CEMIP: variants seen among roughly 807,000 people sequenced by gnomAD.
CEMIP encodes the protein cell migration-inducing and hyaluronan-binding protein.
In CEMIP, 105 loss-of-function variants were observed where a neutral mutation model predicts 156.9. The ratio of observed to expected loss-of-function variants is 0.67; its 90% CI spans 0.57 to 0.79. The LOEUF is 0.79. Among genes scored for constraint, CEMIP ranks in the 30% least tolerant of loss-of-function variants. The pLI is 0.00. For synonymous variants in CEMIP, 676 were observed against 668.4 expected, an observed-to-expected ratio of 1.01 and a Z score of -0.17; for missense variants, 1,457 against 1,769.4, an observed-to-expected ratio of 0.82 and a Z score of 3.17.
At chr15:80,849,237 C>T (rs1161629517) in intron 1 of CEMIP, among the ~76,000 whole-genome samples, 2 of 151,886 alleles carry the variant, frequency 1.3e-5, no homozygotes, top group African/African-American at 4.8e-5. Flanking sequence ...CCTTGGCCTC[C>T]CAAAGTGCTG....
At chr15:80,841,297 C>A (rs1473176395) in intron 1 of CEMIP, among the ~76,000 whole-genome samples, 1 of 152,238 alleles carries the variant, frequency 6.6e-6, no homozygotes, top group African/African-American at 2.4e-5. Context: ...CAGTTAGTGA[C>A]CTCTACTCTC....
At chr15:80,947,250 C>T in intron 29 of CEMIP, 185 bp downstream of exon 29, 4 of 596,424 alleles carry the variant, frequency 6.7e-6, no homozygotes, top group East Asian at 2.8e-5. Flanking sequence ...CACCTGTTTA[C>T]CACCCCTGCA....
chr15:80,923,854 G>GC (rs1195727240), intron 17 of CEMIP, among the ~76,000 whole-genome samples: 2 of 152,164 alleles, frequency 1.3e-5, no homozygotes, highest in East Asian at 3.9e-4. Flanking sequence ...GAAGGGACTT[G>GC]CCCAGTCATA....
intron 3 of CEMIP, among the ~76,000 whole-genome samples, chr15:80,876,659 C>G (rs973711979): frequency 6.6e-6 from 1 of 152,228 alleles, no homozygotes; most frequent in African/African-American, 2.4e-5. Flanking sequence ...TGCCTGCACT[C>G]TGCTTTGCAG....
intron 1 of CEMIP, among the ~76,000 whole-genome samples, chr15:80,809,833 C>G (rs1168860132): frequency 6.6e-6 from 1 of 152,224 alleles, no homozygotes; most frequent in Non-Finnish European, 1.5e-5. Context: ...ATGTGTTCCC[C>G]TCTGTCTTCA....
At chr15:80,832,368 AACAG>A (rs1038018001) in intron 1 of CEMIP, among the ~76,000 whole-genome samples, 6 of 36,064 alleles carry the variant, frequency 1.7e-4, no homozygotes, top group Non-Finnish European at 3.2e-4. Context: ...GTGTAAGAGA[AACAG>A]ACAGACTCTA....
chr15:80,820,761 C>T (rs2141652609), intron 1 of CEMIP, among the ~76,000 whole-genome samples: 1 of 152,314 alleles, frequency 6.6e-6, no homozygotes, highest in South Asian at 2.1e-4. Context: ...TCAGTTTTCT[C>T]ACCTATTATA....
At chr15:80,799,551 A>G (rs749376813) in intron 1 of CEMIP, among the ~76,000 whole-genome samples, 10 of 152,216 alleles carry the variant, frequency 6.6e-5, no homozygotes, top group Non-Finnish European at 1.0e-4. Flanking sequence ...ACCCTGCACA[A>G]TCCTGTTACT....
intron 6 of CEMIP, among the ~76,000 whole-genome samples, chr15:80,883,240 C>T (rs1458264967): frequency 6.6e-6 from 1 of 152,160 alleles, no homozygotes; most frequent in Non-Finnish European, 1.5e-5. Flanking sequence ...GAGTTGGAAT[C>T]ATTACAAAAT....
rs1901142284 is a variant in CEMIP, at chr15:80,936,817, G to A, written c.3153G>A (p.Lys1051=). The change falls in exon 24 of 30, where the codon AAG becomes AAA. Residue 1051 remains lysine (K), a synonymous_variant. Transcript: ENST00000394685. The part of the protein sequence containing the change: ...QQYQPVVTLQ[K]GYTIHWDQTA... ...ACCAACCGGTTGTCACCCTGCAGAA[G>A]GGCTACACCATCCACTGGGACCAGA... 1.2e-6 allele frequency: 2 copies of A among 1,613,994 alleles called. No individual in the cohort carries two copies. Among genetic ancestry groups the A allele is most frequent in the Non-Finnish European group, 1.7e-6 (2 of 1,180,054 alleles).
intron 14 of CEMIP, among the ~76,000 whole-genome samples, chr15:80,917,769 T>C (rs968470339): frequency 5.3e-5 from 8 of 152,214 alleles, no homozygotes; most frequent in African/African-American, 1.7e-4. Context: ...CTTGTACATA[T>C]GGCTTATGTG....
chr15:80,789,567 G>T lies in CEMIP; in HGVS notation c.-176+9953G>T, dbSNP rs74641818. Among the ~76,000 whole-genome samples, 3 of 152,112 alleles carry T rather than the reference G, an allele frequency of 2.0e-5. No homozygotes were observed. In the South Asian group the frequency reaches 6.2e-4, roughly 32 times the overall value. On this transcript the variant is annotated intron_variant, in intron 1 of 29. Transcript: ENST00000394685. ...TGCAGAGATTTCTTCTTGCTTAAAT[G>T]ATTTTTTTTTTAAATAAAAAGGCGT...
chr15:80,948,740 T>G, intron 29 of CEMIP, 57 bp from the exon 30 acceptor site: 1 of 1,611,834 alleles, frequency 6.2e-7, no homozygotes. Flanking sequence ...TGGAACGGGG[T>G]GGGGCAGCCG....
chr15:80,904,476 T>A (rs530622337), intron 12 of CEMIP, among the ~76,000 whole-genome samples: 1 of 152,320 alleles, frequency 6.6e-6, no homozygotes, highest in East Asian at 1.9e-4. Context: ...TACCCATGAA[T>A]GTTAGCTTAT....
Position 80,942,347 on chromosome 15 carries a change from T to G in CEMIP, c.3699+10T>G, listed in dbSNP as rs1236115078. 1 of 1,609,432 alleles carries G rather than the reference T, an allele frequency of 6.2e-7. No homozygotes were observed. The highest frequency in any genetic ancestry group is 2.2e-5 in the East Asian group (1 of 44,868). Reference sequence around the variant, plus strand: ...CTTCGCTTACATTGAAGTAAGTGCCTCTGGCCCCTGGAGGATTCGGGTTTG... The same window carrying G: ...CTTCGCTTACATTGAAGTAAGTGCCGCTGGCCCCTGGAGGATTCGGGTTTG... On this transcript the variant is annotated intron_variant, in intron 27 of 29. Transcript: ENST00000394685.
At chr15:80,886,843 C>T (rs1327256770) in intron 7 of CEMIP, among the ~76,000 whole-genome samples, 1 of 152,178 alleles carries the variant, frequency 6.6e-6, no homozygotes, top group Non-Finnish European at 1.5e-5. Context: ...TCAGATTCCT[C>T]TTGGCTTCCT....
At chr15:80,920,385 G>T in intron 15 of CEMIP, 86 bp downstream of exon 15, 1 of 1,279,384 alleles carries the variant, frequency 7.8e-7, no homozygotes, top group Admixed American at 2.0e-5. Context: ...CCCAGCACCA[G>T]ACTTCTGCAC....
At chr15:80,902,310 G>A (rs1397011567) in intron 12 of CEMIP, among the ~76,000 whole-genome samples, 1 of 152,180 alleles carries the variant, frequency 6.6e-6, no homozygotes, top group Admixed American at 6.5e-5. Flanking sequence ...GCTCACCCAG[G>A]TGCTCATGGC....
At chr15:80,859,641 C>T (rs1897936894) in intron 1 of CEMIP, among the ~76,000 whole-genome samples, 1 of 152,228 alleles carries the variant, frequency 6.6e-6, no homozygotes, top group African/African-American at 2.4e-5. Context: ...CAATCCATGG[C>T]ATCTGTGCTA....
Sources: allele counts gnomAD v4.1 joint callset (sites outside exome capture counted in the v4.1 genomes callset), GRCh38; gene constraint gnomAD v4.1.1; transcripts MANE v1.5; gene names NCBI Gene and HGNC (gene_info 2026-07-23, HGNC 2026-07-21).